Variants in EFR3A observed in about 807,000 individuals in gnomAD.
The protein encoded by EFR3A is protein EFR3 homolog A.
In EFR3A, 76 loss-of-function variants were observed where a neutral mutation model predicts 104.4. The ratio of observed to expected loss-of-function variants is 0.73; its 90% CI spans 0.60 to 0.88. EFR3A has a LOEUF of 0.88. Ranked by LOEUF, EFR3A falls within the 40% of genes least tolerant of loss-of-function variation. The probability of loss-of-function intolerance (pLI) is 0.00; values close to 1 mark genes in which losing one functional copy is unlikely to be tolerated. For synonymous variants in EFR3A, 330 were observed against 330.0 expected (o/e 1.00, Z 0.00); for missense variants, 985 against 1,012.5 (o/e 0.97, Z 0.37).
intron 8 of EFR3A, among the ~76,000 whole-genome samples, chr8:131,960,661 C>G (rs1293079070): frequency 1.3e-5 from 2 of 152,200 alleles, no homozygotes; most frequent in Non-Finnish European, 2.9e-5. Context: ...TTCACCCTCT[C>G]TCCATAAAAC....
chr8:132,001,981 CTTGTCCCTTCAGGGTCATATTCCT>C (rs1821804495), intron 20 of EFR3A, among the ~76,000 whole-genome samples, 174 bp downstream of exon 20: 1 of 152,180 alleles, frequency 6.6e-6, no homozygotes, highest in Non-Finnish European at 1.5e-5. Flanking sequence ...TCAGAATTGT[CTTGTCCCTTCAGGGTCATATTCCT>C]GAACAAACAG....
At chr8:131,911,887 C>T (rs575500367) in intron 1 of EFR3A, among the ~76,000 whole-genome samples, 1 of 152,264 alleles carries the variant, frequency 6.6e-6, no homozygotes, top group East Asian at 1.9e-4. Flanking sequence ...TCTTGTGACC[C>T]ACAGTCAAAC....
At chr8:131,975,887 T>C in intron 10 of EFR3A, 140 bp from the exon 11 acceptor site, 1 of 603,470 alleles carries the variant, frequency 1.7e-6, no homozygotes, top group Non-Finnish European at 2.9e-6. Flanking sequence ...AATTGTAATA[T>C]CCTTTAATGT....
intron 1 of EFR3A, among the ~76,000 whole-genome samples, chr8:131,908,672 G>T (rs189037365): frequency 7.2e-5 from 11 of 152,238 alleles, no homozygotes; most frequent in Non-Finnish European, 1.5e-5. Context: ...GCAACTAGAT[G>T]GGTCTGACCT....
At chr8:131,975,137 A>T (rs572253889) in intron 10 of EFR3A, among the ~76,000 whole-genome samples, 1 of 152,328 alleles carries the variant, frequency 6.6e-6, no homozygotes, top group South Asian at 2.1e-4. Context: ...TAGACTGCAT[A>T]AGAAAAATGA....
intron 1 of EFR3A, among the ~76,000 whole-genome samples, chr8:131,932,320 GA>G (rs1399144095): frequency 6.6e-6 from 1 of 152,038 alleles, no homozygotes; most frequent in Non-Finnish European, 1.5e-5. Flanking sequence ...AAATGGTTTA[GA>G]AATGAGTGAC....
At chr8:131,905,125 A>G (rs1372304122) in intron 1 of EFR3A, among the ~76,000 whole-genome samples, 10 of 152,224 alleles carry the variant, frequency 6.6e-5, no homozygotes, top group Admixed American at 6.5e-4. Context: ...CCACTGGTCA[A>G]TGTGGATATG....
intron 1 of EFR3A, among the ~76,000 whole-genome samples, chr8:131,911,670 C>G (rs1235924068): frequency 6.6e-6 from 1 of 152,080 alleles, no homozygotes; most frequent in Admixed American, 6.6e-5. Context: ...GAATGAAGAC[C>G]CAAAGATACG....
intron 1 of EFR3A, among the ~76,000 whole-genome samples, chr8:131,913,075 G>A (rs138613698): frequency 6.6e-6 from 1 of 150,640 alleles, no homozygotes; most frequent in Non-Finnish European, 1.5e-5. Context: ...GAAAGGTTGA[G>A]ATGAGTCATG....
Position 131,969,709 on chromosome 8 carries a change from A to G in EFR3A, c.992-767A>G, listed in dbSNP as rs1051213014. On this transcript the variant is annotated intron_variant, in intron 9 of 22. Coordinates refer to ENST00000254624, the MANE Select transcript of EFR3A (RefSeq NM_015137.6). ...TTTTATCTTGTAACTTGAAGAGATA[A>G]AACTGGTTATTTAATTGGAAAGTTA... Among the ~76,000 whole-genome samples the G allele has an allele frequency of 1.7e-4, 26 of 152,230 alleles. 1 individual carries two copies. The highest frequency in any genetic ancestry group is 4.6e-4 in the African/African-American group (19 of 41,556).
intron 7 of EFR3A, among the ~76,000 whole-genome samples, chr8:131,957,321 T>C (rs1819053501): frequency 6.6e-6 from 1 of 151,470 alleles, no homozygotes; most frequent in Non-Finnish European, 1.5e-5. Flanking sequence ...AAATAATTCA[T>C]GTCTAATTTG....
intron 2 of EFR3A, among the ~76,000 whole-genome samples, chr8:131,940,847 C>T (rs773295918): frequency 6.6e-6 from 1 of 151,970 alleles, no homozygotes; most frequent in African/African-American, 2.4e-5. Context: ...GTAACACTGT[C>T]GCATTAATTT....
intron 1 of EFR3A, among the ~76,000 whole-genome samples, chr8:131,932,535 G>T (rs1402290423): frequency 6.6e-6 from 1 of 152,078 alleles, no homozygotes; most frequent in Non-Finnish European, 1.5e-5. Context: ...TGGCATTAAA[G>T]GAAGCTGTTA....
chr8:131,952,251 A>G (rs1026635990), intron 5 of EFR3A, among the ~76,000 whole-genome samples: 9 of 152,124 alleles, frequency 5.9e-5, no homozygotes, highest in Non-Finnish European at 8.8e-5. Context: ...ACCACTTTAC[A>G]TGAATTAACT....
chr8:131,984,054 T>C, intron 14 of EFR3A, 85 bp from the exon 15 acceptor site: 1 of 1,209,478 alleles, frequency 8.3e-7, no homozygotes, highest in Non-Finnish European at 1.1e-6. Context: ...ATAACATAGC[T>C]ACACTGTAAA....
chr8:131,979,041 G>A (rs1465877687), intron 13 of EFR3A, 22 bp downstream of exon 13: 1 of 1,572,102 alleles, frequency 6.4e-7, no homozygotes, highest in East Asian at 2.3e-5. Context: ...TTTTGAAATG[G>A]ATCTAATGAT....
intron 1 of EFR3A, among the ~76,000 whole-genome samples, chr8:131,910,212 C>T (rs1224020007): frequency 6.6e-6 from 1 of 152,200 alleles, no homozygotes; most frequent in East Asian, 1.9e-4. Flanking sequence ...ACTCATTCTG[C>T]TTAGACTCTG....
intron 9 of EFR3A, among the ~76,000 whole-genome samples, chr8:131,969,178 A>AT (rs1380652430): frequency 2.0e-5 from 3 of 152,162 alleles, no homozygotes; most frequent in Non-Finnish European, 4.4e-5. Flanking sequence ...AAATTACGAT[A>AT]TTTTACTTAC....
chr8:131,993,267 G>C (rs1821294268), intron 18 of EFR3A, among the ~76,000 whole-genome samples: 1 of 152,124 alleles, frequency 6.6e-6, no homozygotes, highest in Non-Finnish European at 1.5e-5. Context: ...TTATTGCTCA[G>C]ACTCGCTGTA....
Sources: allele counts gnomAD v4.1 joint callset (sites outside exome capture counted in the v4.1 genomes callset), GRCh38; gene constraint gnomAD v4.1.1; transcripts MANE v1.5; gene names NCBI Gene and HGNC (gene_info 2026-07-23, HGNC 2026-07-21).